The following KIRREL3 variants were observed in gnomAD, a reference collection of about 807,000 sequenced individuals.
KIRREL3 encodes the protein kirre like nephrin family adhesion molecule 3, also known as kin of IRRE-like protein 3.
In KIRREL3, 36 loss-of-function variants were observed where a neutral mutation model predicts 89.7. The ratio of observed to expected loss-of-function variants is 0.40; its 90% CI spans 0.31 to 0.53. The LOEUF (loss-of-function observed/expected upper bound fraction) is 0.53, where lower values mean the gene tolerates loss of function less well. Ranked by LOEUF, KIRREL3 falls within the 20% of genes least tolerant of loss-of-function variation. KIRREL3 has a pLI of 0.49. For synonymous variants in KIRREL3, 445 were observed against 441.4 expected (o/e 1.01, Z -0.10); for missense variants, 864 against 1,056.6 (o/e 0.82, Z 2.53).
chr11:126,874,087 C>T (rs1200649350), intron 1 of KIRREL3, among the ~76,000 whole-genome samples: 2 of 152,230 alleles, frequency 1.3e-5, no homozygotes, highest in East Asian at 1.9e-4. Flanking sequence ...TATCCCCAAC[C>T]GTTACTTAAA....
chr11:126,924,380 C>T lies in KIRREL3; in HGVS notation c.55+76075G>A, dbSNP rs769843459. 1.3e-5 allele frequency among the ~76,000 whole-genome samples: 2 copies of T among 152,188 alleles called. No individual in the cohort carries two copies. Among genetic ancestry groups the T allele is most frequent in the Non-Finnish European group, 2.9e-5 (2 of 68,042 alleles). On this transcript the variant is annotated intron_variant, in intron 1 of 16. Coordinates refer to ENST00000525144, the MANE Select transcript of KIRREL3 (RefSeq NM_032531.4). The surrounding 1 kb of genome is among the most constrained non-coding windows in gnomAD (Gnocchi z 4.7). ...AGCTGTCTCCCAGCACCTAGCATAA[C>T]ACCAGGTCCTTATAAGTACTCAAAA...
chr11:126,787,866 T>A (rs923237072), intron 1 of KIRREL3, among the ~76,000 whole-genome samples: 1 of 152,246 alleles, frequency 6.6e-6, no homozygotes, highest in Non-Finnish European at 1.5e-5. Flanking sequence ...CTCTGACATA[T>A]CTGCTCTTCA....
In KIRREL3 at chr11:126,459,484, C is replaced by A. The variant is rs992235475; in HGVS notation, c.743-3030G>T. 9.2e-5 allele frequency among the ~76,000 whole-genome samples: 14 copies of A among 152,290 alleles called. No homozygotes were observed. Among genetic ancestry groups the A allele is most frequent in the African/African-American group, 3.4e-4 (14 of 41,568 alleles). ...CCTCCACCCCAAGACCAGAGGTGCCCAAGCTTCTTTCTCCACTTCTGCTGG... is the reference window on the plus strand; with the variant it reads ...CCTCCACCCCAAGACCAGAGGTGCCAAAGCTTCTTTCTCCACTTCTGCTGG... On this transcript the variant is annotated intron_variant, in intron 6 of 16. Transcript: ENST00000525144. The surrounding 1 kb of genome is among the most constrained non-coding windows in gnomAD (Gnocchi z 4.8).
Position 126,983,464 on chromosome 11 carries a change from T to C in KIRREL3, c.55+16991A>G, listed in dbSNP as rs944183597. On this transcript the variant is annotated intron_variant, in intron 1 of 16. Coordinates refer to ENST00000525144, the MANE Select transcript of KIRREL3 (RefSeq NM_032531.4). The surrounding 1 kb of genome is among the most constrained non-coding windows in gnomAD (Gnocchi z 4.9). ...AGGGATTTTGCAGATGTAATTAAGT[T>C]AAGGTCTTGAGAGAGAGAGATTTTC... 6.6e-6 allele frequency among the ~76,000 whole-genome samples: 1 copy of C among 152,206 alleles called. No homozygotes were observed. The highest frequency in any genetic ancestry group is 2.4e-5 in the African/African-American group (1 of 41,454).
chr11:126,842,099 G>A (rs1414246109), intron 1 of KIRREL3, among the ~76,000 whole-genome samples: 3 of 152,148 alleles, frequency 2.0e-5, no homozygotes, highest in Non-Finnish European at 1.5e-5. Context: ...AGAAGAGAGC[G>A]CTTTCAGAGG....
rs1029336355 is a variant in KIRREL3, at chr11:126,997,882, G to C, written c.55+2573C>G. The stretch of plus-strand genomic sequence containing the variant: ...AGATAAGGCACTAAAAACAACCCTG[G>C]ACATTTGTTGTCTCTGAGGGAAAGG... On this transcript the variant is annotated intron_variant, in intron 1 of 16. Coordinates refer to ENST00000525144, the MANE Select transcript of KIRREL3 (RefSeq NM_032531.4). The surrounding 1 kb of genome is among the most constrained non-coding windows in gnomAD (Gnocchi z 4.3). Among the ~76,000 whole-genome samples the C allele has an allele frequency of 6.6e-6, 1 of 152,134 alleles. No individual in the cohort carries two copies. Among genetic ancestry groups the C allele is most frequent in the African/African-American group, 2.4e-5 (1 of 41,426 alleles).
At chr11:126,880,010 T>A (rs1419245067) in intron 1 of KIRREL3, among the ~76,000 whole-genome samples, 1 of 152,210 alleles carries the variant, frequency 6.6e-6, no homozygotes, top group African/African-American at 2.4e-5. Flanking sequence ...GCTAAAGGCA[T>A]GAGGTATTGT....
rs574082894 is a variant in KIRREL3 at position 126,441,321 on chromosome 11, C to T, written c.1253-772G>A. 5.3e-5 allele frequency among the ~76,000 whole-genome samples: 8 copies of T among 152,342 alleles called. No homozygotes were observed. The highest frequency in any genetic ancestry group is 1.2e-4 in the Non-Finnish European group (8 of 68,040). Reference sequence around the variant, plus strand: ...TTCTGAGAGCGCCTGTCTCATTCACCACATTGCACAGCCAAGAGAGTTCAC... The same window carrying T: ...TTCTGAGAGCGCCTGTCTCATTCACTACATTGCACAGCCAAGAGAGTTCAC... On this transcript the variant is annotated intron_variant, in intron 10 of 16. Coordinates refer to ENST00000525144, the MANE Select transcript of KIRREL3 (RefSeq NM_032531.4). This position sits in a 1 kb window ranked among gnomAD's most constrained non-coding sequence, Gnocchi z 5.0.
chr11:126,493,199 C>T (rs1258120405), intron 4 of KIRREL3, among the ~76,000 whole-genome samples: 2 of 152,164 alleles, frequency 1.3e-5, no homozygotes, highest in Non-Finnish European at 2.9e-5. Flanking sequence ...AGGCATTGAG[C>T]CCAATGCCTC....
chr11:126,582,435 T>A (rs150369201), intron 1 of KIRREL3, among the ~76,000 whole-genome samples: 1 of 152,288 alleles, frequency 6.6e-6, no homozygotes, highest in East Asian at 1.9e-4. Flanking sequence ...GAAGCAATAA[T>A]CCAGACACGG....
At chr11:126,887,855 G>GCTA (rs1295129833) in intron 1 of KIRREL3, among the ~76,000 whole-genome samples, 1 of 152,178 alleles carries the variant, frequency 6.6e-6, no homozygotes, top group Non-Finnish European at 1.5e-5. Flanking sequence ...AAACATAGGT[G>GCTA]AGGTCACCTG....
chr11:126,596,944 A>G (rs1942426842), intron 1 of KIRREL3, among the ~76,000 whole-genome samples: 1 of 152,218 alleles, frequency 6.6e-6, no homozygotes, highest in Admixed American at 6.5e-5. Flanking sequence ...GAATCTTTAA[A>G]GCAGCAGGAG....
At chr11:126,450,890 T>G (rs1438244230) in intron 7 of KIRREL3, among the ~76,000 whole-genome samples, 1 of 147,972 alleles carries the variant, frequency 6.8e-6, no homozygotes, top group Non-Finnish European at 1.5e-5. Flanking sequence ...TGTGTGCATG[T>G]GCGTGTGTGC....
intron 1 of KIRREL3, among the ~76,000 whole-genome samples, chr11:126,938,707 T>C (rs1468424663): frequency 7.2e-5 from 11 of 152,196 alleles, no homozygotes; most frequent in Admixed American, 6.5e-4. Flanking sequence ...AACTGTAACA[T>C]AAAGAAAGTT....
chr11:126,584,158 G>A (rs1941703104), intron 1 of KIRREL3, among the ~76,000 whole-genome samples: 1 of 152,160 alleles, frequency 6.6e-6, no homozygotes, highest in African/African-American at 2.4e-5. Context: ...AGCAGCCAGG[G>A]CACCCGATGA....
chr11:126,915,361 ATTTTTTT>A (rs545832130), intron 1 of KIRREL3, among the ~76,000 whole-genome samples: 1 of 149,796 alleles, frequency 6.7e-6, no homozygotes, highest in Admixed American at 6.6e-5. Flanking sequence ...TCAGCTCTGT[ATTTTTTT>A]TTTAAAGCTC....
Position 126,805,153 on chromosome 11 carries a change from C to T in KIRREL3, c.55+195302G>A, listed in dbSNP as rs1951165813. On this transcript the variant is annotated intron_variant, in intron 1 of 16. Transcript: ENST00000525144. The surrounding 1 kb of genome is among the most constrained non-coding windows in gnomAD (Gnocchi z 4.3). ...ATGTGTGTGCATGTATGTATTCATACATTAATGTATTAAGGTAACATCTTT... is the reference window on the plus strand; with the variant it reads ...ATGTGTGTGCATGTATGTATTCATATATTAATGTATTAAGGTAACATCTTT... 6.6e-6 allele frequency among the ~76,000 whole-genome samples: 1 copy of T among 152,164 alleles called. No individual in the cohort carries two copies. Among genetic ancestry groups the T allele is most frequent in the South Asian group, 2.1e-4 (1 of 4,818 alleles).
rs1940413397 is a variant in KIRREL3 at position 126,565,016 on chromosome 11, T to G, written c.56-2104A>C. ...TCTAAAGCACATCAGCAATGGCTCC[T>G]AATGAGAAAGGGAGTTTGGGCTCCT... On this transcript the variant is annotated intron_variant, in intron 1 of 16. Transcript: ENST00000525144. The surrounding 1 kb of genome is among the most constrained non-coding windows in gnomAD (Gnocchi z 5.4). Among the ~76,000 whole-genome samples, 2 of 152,184 alleles carry G rather than the reference T, an allele frequency of 1.3e-5. No homozygotes were observed. The highest frequency in any genetic ancestry group is 6.5e-5 in the Admixed American group (1 of 15,272).
rs1241099396 is a variant in KIRREL3 at position 126,474,273 on chromosome 11, C to T, written c.434-807G>A. Among the ~76,000 whole-genome samples the T allele has an allele frequency of 6.6e-6, 1 of 152,216 alleles. No individual in the cohort carries two copies. The highest frequency in any genetic ancestry group is 1.5e-5 in the Non-Finnish European group (1 of 68,038). On this transcript the variant is annotated intron_variant, in intron 4 of 16. Coordinates refer to ENST00000525144, the MANE Select transcript of KIRREL3 (RefSeq NM_032531.4). This position sits in a 1 kb window ranked among gnomAD's most constrained non-coding sequence, Gnocchi z 6.7. ...TTTTCTTTTTTCTTTAAATGAAGCA[C>T]TGTCACACCTGCTGTCTGAGTTAGT... is the stretch of plus-strand genomic sequence containing the variant.
Sources: allele counts gnomAD v4.1 joint callset (sites outside exome capture counted in the v4.1 genomes callset), GRCh38; gene constraint gnomAD v4.1.1; non-coding constraint Gnocchi (gnomAD v3.1); transcripts MANE v1.5; gene names NCBI Gene and HGNC (gene_info 2026-07-23, HGNC 2026-07-21).